The following KMT5A variants were observed in gnomAD, a reference collection of about 807,000 sequenced individuals.
The protein encoded by KMT5A is lysine methyltransferase 5A.
A neutral mutation model predicts 40.6 loss-of-function variants in KMT5A; 6 were observed. That is an observed-to-expected ratio of 0.15 (90% CI 0.08 to 0.29). The LOEUF (loss-of-function observed/expected upper bound fraction) is 0.29, where lower values mean the gene tolerates loss of function less well. KMT5A is among the 10% of genes least tolerant of loss of function. The pLI is 1.00. For missense variants in KMT5A, 308 were observed against 459.1 expected (o/e 0.67, Z 3.01); for synonymous variants, 153 against 178.8 (o/e 0.86, Z 1.15).
At chr12:123,398,915 C>T (rs979956003) in intron 5 of KMT5A, among the ~76,000 whole-genome samples, 2 of 152,240 alleles carry the variant, frequency 1.3e-5, no homozygotes, top group Non-Finnish European at 2.9e-5. Flanking sequence ...AATTCAGAGC[C>T]TCTTATATAC....
In KMT5A at chr12:123,407,941, G is replaced by C. The variant is rs531061632; in HGVS notation, c.*238G>C. ...AAACTTTTATATTCTAGTTGTTTTT[G>C]TACTTTTTTTGCATACAAGCCGAAC... On this transcript the variant is annotated 3_prime_UTR_variant, in exon 8 of 8. Transcript: ENST00000402868. The C allele has an allele frequency of 1.3e-3, 661 of 511,408 alleles. 5 individuals are homozygous for C. Among genetic ancestry groups the C allele is most frequent in the African/African-American group, 0.01 (533 of 52,098 alleles). The allele number at this position is 511,408 out of a possible 1,614,324, so 31.7% of individuals were successfully genotyped here.
Position 123,409,123 on chromosome 12 carries a change from C to T in KMT5A, c.*1420C>T, listed in dbSNP as rs1233244765. The T allele has an allele frequency of 6.6e-6, 1 of 152,442 alleles. No individual in the cohort carries two copies. The highest frequency in any genetic ancestry group is 2.4e-5 in the African/African-American group (1 of 41,364). 9.4% of individuals were successfully genotyped at this position (152,442 alleles called of 1,614,324 possible). On this transcript the variant is annotated 3_prime_UTR_variant, in exon 8 of 8. Coordinates refer to ENST00000402868, the MANE Select transcript of KMT5A (RefSeq NM_020382.7). Reference sequence around the variant, plus strand: ...CTCGTCTTTGATTCCCCCCCAACCCCACCTCGGGCCTCACGACGGTGCTAC... The same window carrying T: ...CTCGTCTTTGATTCCCCCCCAACCCTACCTCGGGCCTCACGACGGTGCTAC...
chr12:123,389,741 A>T (rs553628309), intron 2 of KMT5A, among the ~76,000 whole-genome samples, 187 bp downstream of exon 2: 194 of 151,912 alleles, frequency 1.3e-3, no homozygotes, highest in Admixed American at 2.7e-3. Context: ...GAAAAGTTTG[A>T]CTGCGCCTTC....
chr12:123,405,150 G>GGCC (rs1306739110), intron 7 of KMT5A, 76 bp downstream of exon 7: 2 of 1,382,908 alleles, frequency 1.4e-6, no homozygotes, highest in Non-Finnish European at 1.9e-6. Context: ...AGGAACTCCT[G>GGCC]ATTCTGTTTG....
Position 123,395,050 on chromosome 12 carries a change from AAAG to A in KMT5A, c.296_298del (p.Arg99del). On this transcript the variant is annotated inframe_deletion, in exon 4 of 8. Transcript: ENST00000402868. ...TTTCCCCCACCTCCGCCTGCAGAGA[AAAG>A]AAATGCTGGGAACGCAGTACGGAGC... The A allele has an allele frequency of 6.4e-7, 1 of 1,565,370 alleles. No individual in the cohort carries two copies. The highest frequency in any genetic ancestry group is 1.9e-5 in the Admixed American group (1 of 52,322).
In KMT5A at chr12:123,384,586, T is replaced by C. The variant is rs972848548; in HGVS notation, c.10+378T>C. On this transcript the variant is annotated intron_variant, in intron 1 of 7. Transcript: ENST00000402868. The surrounding 1 kb of genome is among the most constrained non-coding windows in gnomAD (Gnocchi z 5.7). ...GGCAGGAGTGAGGCTTCGCCCACTT[T>C]GGGGCCCTCTCTCTTTGGGAAAGGA... 6.6e-6 allele frequency among the ~76,000 whole-genome samples: 1 copy of C among 152,352 alleles called. No homozygotes were observed. The highest frequency in any genetic ancestry group is 1.9e-4 in the East Asian group (1 of 5,186).
rs776523680 is a variant in KMT5A, at chr12:123,384,816, G to A, written c.10+608G>A. Among the ~76,000 whole-genome samples the A allele has an allele frequency of 6.6e-6, 1 of 152,208 alleles. No individual in the cohort carries two copies. The highest frequency in any genetic ancestry group is 1.5e-5 in the Non-Finnish European group (1 of 68,022). On this transcript the variant is annotated intron_variant, in intron 1 of 7. Transcript: ENST00000402868. The surrounding 1 kb of genome is among the most constrained non-coding windows in gnomAD (Gnocchi z 5.7). ...GGCGCGGTCGTTCGCCCCGCATCTG[G>A]TCAGGACTTCGCCCCCCGGTAGATG...
At chr12:123,396,656 G>T (rs555567395) in intron 5 of KMT5A, among the ~76,000 whole-genome samples, 1 of 152,342 alleles carries the variant, frequency 6.6e-6, no homozygotes, top group South Asian at 2.1e-4. Context: ...AGACACTTGT[G>T]TGAAGGAACC....
At chr12:123,394,099 T>C (rs1186214028) in intron 3 of KMT5A, among the ~76,000 whole-genome samples, 1 of 59,506 alleles carries the variant, frequency 1.7e-5, no homozygotes, top group African/African-American at 7.2e-5. Flanking sequence ...ACTTAATTTT[T>C]TTTTCTTTTT....
intron 7 of KMT5A, among the ~76,000 whole-genome samples, chr12:123,405,600 A>C (rs560120198): frequency 1.5e-5 from 2 of 132,276 alleles, no homozygotes; most frequent in East Asian, 2.2e-4. Flanking sequence ...GCTCACTGCA[A>C]CCTCCACCTC....
chr12:123,395,538 T>C (rs1337428633), intron 4 of KMT5A, among the ~76,000 whole-genome samples: 8 of 151,936 alleles, frequency 5.3e-5, no homozygotes, highest in Admixed American at 2.6e-4. Flanking sequence ...TTTTTTTTGT[T>C]TGTCTTTTTT....
rs1876773455 is a variant in KMT5A, at chr12:123,384,829, C to T, written c.10+621C>T. ...GCCCCGCATCTGGTCAGGACTTCGC[C>T]CCCCGGTAGATGGCTTGGGTGGGCT... On this transcript the variant is annotated intron_variant, in intron 1 of 7. Transcript: ENST00000402868. The surrounding 1 kb of genome is among the most constrained non-coding windows in gnomAD (Gnocchi z 5.7). Among the ~76,000 whole-genome samples, 1 of 151,994 alleles carries T rather than the reference C, an allele frequency of 6.6e-6. No homozygotes were observed. Among genetic ancestry groups the T allele is most frequent in the African/African-American group, 2.4e-5 (1 of 41,320 alleles).
Position 123,409,129 on chromosome 12 carries a change from G to C in KMT5A, c.*1426G>C, listed in dbSNP as rs1407890014. 1 of 151,818 alleles carries C rather than the reference G, an allele frequency of 6.6e-6. No individual in the cohort carries two copies. The highest frequency in any genetic ancestry group is 1.5e-5 in the Non-Finnish European group (1 of 67,926). The allele number at this position is 151,818 out of a possible 1,614,324, so 9.4% of individuals were successfully genotyped here. ...TTTGATTCCCCCCCAACCCCACCTC[G>C]GGCCTCACGACGGTGCTACCTAAGA... On this transcript the variant is annotated 3_prime_UTR_variant, in exon 8 of 8. Coordinates refer to ENST00000402868, the MANE Select transcript of KMT5A (RefSeq NM_020382.7).
intron 5 of KMT5A, among the ~76,000 whole-genome samples, chr12:123,401,932 G>A (rs1593471899): frequency 6.6e-6 from 1 of 152,268 alleles, no homozygotes; most frequent in East Asian, 1.9e-4. Flanking sequence ...GCCCAGGCAG[G>A]AGTGCAGTGT....
intron 7 of KMT5A, among the ~76,000 whole-genome samples, chr12:123,405,625 TTC>T (rs1878494257): frequency 1.3e-5 from 2 of 149,544 alleles, no homozygotes; most frequent in South Asian, 4.3e-4. Flanking sequence ...GTTCAAGGTA[TTC>T]TGTCTCAGCC....
intron 5 of KMT5A, among the ~76,000 whole-genome samples, chr12:123,400,421 T>C (rs1199267490): frequency 6.7e-6 from 1 of 149,312 alleles, no homozygotes; most frequent in East Asian, 2.0e-4. Flanking sequence ...AGTGCAGGTG[T>C]GCGATCTCGG....
intron 3 of KMT5A, among the ~76,000 whole-genome samples, chr12:123,393,233 A>T (rs747093838): frequency 5.3e-5 from 8 of 152,152 alleles, no homozygotes; most frequent in Non-Finnish European, 1.0e-4. Context: ...ATATATCATA[A>T]CGTTCATGTT....
chr12:123,398,551 C>G (rs116493115), intron 5 of KMT5A, among the ~76,000 whole-genome samples: 4,112 of 152,310 alleles, frequency 0.027, 195 homozygotes, highest in African/African-American at 0.094. Context: ...AAGGGAAGAA[C>G]ACACTTGCTT....
At chr12:123,386,058 G>A (rs904563227) in intron 1 of KMT5A, among the ~76,000 whole-genome samples, 1 of 151,994 alleles carries the variant, frequency 6.6e-6, no homozygotes, top group African/African-American at 2.4e-5. Flanking sequence ...CGAAGATAAT[G>A]TTTGTCAGCT....
Sources: gnomAD v4.1 joint callset for allele counts (sites outside exome capture counted in the v4.1 genomes callset) on GRCh38, gnomAD v4.1.1 for gene constraint, Gnocchi (gnomAD v3.1) non-coding constraint, MANE v1.5 for transcripts, NCBI Gene and HGNC (gene_info 2026-07-23, HGNC 2026-07-21) for gene names.